PPFIA2: variants seen among roughly 807,000 people sequenced by gnomAD.
PPFIA2 encodes liprin-alpha-2.
A neutral mutation model predicts 175.5 loss-of-function variants in PPFIA2; 46 were observed. The ratio of observed to expected loss-of-function variants is 0.26; its 90% CI spans 0.21 to 0.34. PPFIA2 has a LOEUF of 0.34. PPFIA2 is among the 10% of genes least tolerant of loss of function. The pLI is 1.00. For missense variants in PPFIA2, 1,179 were observed against 1,506.1 expected (o/e 0.78, Z 3.60); for synonymous variants, 568 against 511.4 (o/e 1.11, Z -1.49).
intron 4 of PPFIA2, among the ~76,000 whole-genome samples, chr12:81,566,166 T>C (rs1240725062): frequency 6.6e-6 from 1 of 152,124 alleles, no homozygotes; most frequent in Non-Finnish European, 1.5e-5. Context: ...ATATCACTCC[T>C]CCTAGGCAAG....
intron 4 of PPFIA2, among the ~76,000 whole-genome samples, chr12:81,522,715 T>A (rs2063299591): frequency 6.6e-6 from 1 of 152,204 alleles, no homozygotes; most frequent in South Asian, 2.1e-4. Flanking sequence ...CAGAAGCCCT[T>A]TTCCATGACA....
chr12:81,374,314 C>G (rs2035876256), intron 11 of PPFIA2, among the ~76,000 whole-genome samples: 1 of 152,040 alleles, frequency 6.6e-6, no homozygotes, highest in Non-Finnish European at 1.5e-5. Context: ...TGTTATGTCT[C>G]ATATAACATT....
At position 81,547,791 on chromosome 12, in the gene PPFIA2, T is replaced by A. The variant is rs193231914; in HGVS notation, c.304-89925A>T. Among the ~76,000 whole-genome samples the A allele has an allele frequency of 3.9e-5, 6 of 152,304 alleles. No individual in the cohort carries two copies. In the East Asian group the frequency reaches 1.2e-3, roughly 29 times the overall value. On this transcript the variant is annotated intron_variant, in intron 4 of 32. Transcript: ENST00000549396. ...TAATGACTGTTCTCTAGAGCAACCA[T>A]AACCAGTACCTAGAAAATATGTAAT... is the stretch of plus-strand genomic sequence containing the variant.
chr12:81,758,875 C>G (rs1406429624), intron 1 of PPFIA2, among the ~76,000 whole-genome samples: 1 of 152,054 alleles, frequency 6.6e-6, no homozygotes, highest in East Asian at 2.0e-4. Flanking sequence ...CGCGCCCGGG[C>G]CACCCGGGGT....
rs74602323 is a variant in PPFIA2, at chr12:81,512,175, T to C, written c.304-54309A>G. The C allele has an allele frequency of 5.4e-3, 2,466 of 456,042 alleles. 59 individuals are homozygous for C. Among genetic ancestry groups the C allele is most frequent in the African/African-American group, 0.047 (2,266 of 47,834 alleles). 28.2% of individuals were successfully genotyped at this position (456,042 alleles called of 1,614,324 possible). A position where few individuals can be genotyped will look rare whatever the true frequency, so the allele number is the denominator to read the frequency against. ...TGTCAGCATGTTAGCTAACAATGTG[T>C]TTAATACTTAGCAGATGCTGTCTTA... On this transcript the variant is annotated intron_variant, in intron 4 of 32. Transcript: ENST00000549396.
In PPFIA2 at chr12:81,299,207, T is replaced by C. The variant is rs2047221628; in HGVS notation, c.2724+94A>G. On this transcript the variant is annotated intron_variant, in intron 23 of 32. Transcript: ENST00000549396. ...TATGAGCAATTCCAGACTAAGGGGATGCTGTGATTTCAGAAACTTGCCGTT... is the reference window on the plus strand; with the variant it reads ...TATGAGCAATTCCAGACTAAGGGGACGCTGTGATTTCAGAAACTTGCCGTT... 4.1e-6 allele frequency: 6 copies of C among 1,459,290 alleles called. No individual in the cohort carries two copies. In the Admixed American group the frequency reaches 8.5e-5, roughly 21 times the overall value. 90.4% of individuals were successfully genotyped at this position (1,459,290 alleles called of 1,614,324 possible). A position where few individuals can be genotyped will look rare whatever the true frequency, so the allele number is the denominator to read the frequency against.
intron 4 of PPFIA2, among the ~76,000 whole-genome samples, chr12:81,623,692 G>A (rs1470111157): frequency 6.6e-6 from 1 of 151,876 alleles, no homozygotes; most frequent in Non-Finnish European, 1.5e-5. Context: ...AAATTATTAC[G>A]TGTTAGCTAA....
intron 4 of PPFIA2, among the ~76,000 whole-genome samples, chr12:81,529,714 G>A (rs962961011): frequency 6.6e-6 from 1 of 151,850 alleles, no homozygotes; most frequent in Non-Finnish European, 1.5e-5. Flanking sequence ...CAGCTCCTCC[G>A]GTTAAATACA....
At chr12:81,626,303 T>C (rs919273670) in intron 4 of PPFIA2, among the ~76,000 whole-genome samples, 3 of 151,964 alleles carry the variant, frequency 2.0e-5, no homozygotes, top group African/African-American at 7.2e-5. Context: ...GCTTTTTATG[T>C]TGTTCATCAA....
intron 7 of PPFIA2, among the ~76,000 whole-genome samples, chr12:81,406,774 A>G (rs745878668): frequency 2.0e-5 from 3 of 152,160 alleles, no homozygotes; most frequent in Non-Finnish European, 4.4e-5. Context: ...ATAGTAGTCA[A>G]TATTAGTTCT....
intron 8 of PPFIA2, among the ~76,000 whole-genome samples, chr12:81,402,859 A>G (rs2142811793): frequency 6.6e-6 from 1 of 152,296 alleles, no homozygotes; most frequent in East Asian, 1.9e-4. Flanking sequence ...AAATAAAAAT[A>G]AATTTAAAAA....
At chr12:81,384,713 CAGA>C (rs2038540802) in intron 8 of PPFIA2, among the ~76,000 whole-genome samples, 1 of 151,966 alleles carries the variant, frequency 6.6e-6, no homozygotes, top group Non-Finnish European at 1.5e-5. Flanking sequence ...CAATGATGCC[CAGA>C]AGAATAACTT....
At chr12:81,345,731 G>T (rs913187524) in intron 18 of PPFIA2, among the ~76,000 whole-genome samples, 2 of 152,136 alleles carry the variant, frequency 1.3e-5, no homozygotes, top group Non-Finnish European at 2.9e-5. Flanking sequence ...TTGGTACTAA[G>T]TTGCTCATTA....
chr12:81,303,351 G>A (rs1007080041), intron 22 of PPFIA2, among the ~76,000 whole-genome samples: 24 of 151,968 alleles, frequency 1.6e-4, no homozygotes, highest in South Asian at 4.2e-4. Context: ...ACTAAATTTC[G>A]GGGCATACAT....
chr12:81,379,371 T>C (rs2037133143), intron 9 of PPFIA2, among the ~76,000 whole-genome samples: 1 of 152,166 alleles, frequency 6.6e-6, no homozygotes, highest in African/African-American at 2.4e-5. Flanking sequence ...TCTATTAAAG[T>C]GAAAAATATA....
At chr12:81,294,705 G>GAATAATTCT in intron 24 of PPFIA2, 130 bp downstream of exon 24, 2 of 854,476 alleles carry the variant, frequency 2.3e-6, no homozygotes, top group Non-Finnish European at 3.7e-6. Flanking sequence ...TTAATAAAGA[G>GAATAATTCT]CAAGCTTAAT....
At chr12:81,690,838 G>A (rs994237928) in intron 3 of PPFIA2, among the ~76,000 whole-genome samples, 4 of 152,054 alleles carry the variant, frequency 2.6e-5, no homozygotes, top group African/African-American at 7.2e-5. Context: ...GCTTTTAAAG[G>A]CTGCATGCAT....
intron 4 of PPFIA2, among the ~76,000 whole-genome samples, chr12:81,618,761 T>C (rs1260670466): frequency 1.3e-5 from 2 of 151,940 alleles, no homozygotes; most frequent in Non-Finnish European, 2.9e-5. Flanking sequence ...CTCCATCTCC[T>C]GACCTCGTGA....
At chr12:81,383,112 G>A (rs951303252) in intron 9 of PPFIA2, among the ~76,000 whole-genome samples, 1 of 152,126 alleles carries the variant, frequency 6.6e-6, no homozygotes, top group African/African-American at 2.4e-5. Context: ...ACTTTTATGA[G>A]AAGAGTTTTG....
Sources: allele counts gnomAD v4.1 joint callset (sites outside exome capture counted in the v4.1 genomes callset), GRCh38; gene constraint gnomAD v4.1.1; transcripts MANE v1.5; gene names NCBI Gene and HGNC (gene_info 2026-07-23, HGNC 2026-07-21).